PCSK2: variants seen among roughly 807,000 people sequenced by gnomAD.
PCSK2 encodes proprotein convertase subtilisin/kexin type 2.
A neutral mutation model predicts 69.7 loss-of-function variants in PCSK2; 14 were observed. The ratio of observed to expected loss-of-function variants is 0.20; its 90% confidence interval spans 0.13 to 0.31. PCSK2 has a LOEUF of 0.31. PCSK2 is among the 10% of genes least tolerant of loss of function. PCSK2 has a pLI of 1.00. For missense variants in PCSK2, 544 were observed against 842.5 expected (o/e 0.65, Z 4.39); for synonymous variants, 307 against 320.7 (o/e 0.96, Z 0.46).
intron 5 of PCSK2, among the ~76,000 whole-genome samples, chr20:17,404,900 C>T (rs778291998): frequency 2.0e-5 from 3 of 152,134 alleles, no homozygotes; most frequent in Non-Finnish European, 4.4e-5. Flanking sequence ...GCAAAAGCAG[C>T]GACTGGCAAT....
At chr20:17,256,864 A>C (rs970685487) in intron 1 of PCSK2, among the ~76,000 whole-genome samples, 2 of 152,196 alleles carry the variant, frequency 1.3e-5, no homozygotes, top group African/African-American at 2.4e-5. Flanking sequence ...GAGTAAAAAC[A>C]TGCAGTGCTT....
chr20:17,358,469 T>C (rs1486537355), intron 3 of PCSK2, 29 bp downstream of exon 3: 1 of 1,179,292 alleles, frequency 8.5e-7, no homozygotes, highest in South Asian at 1.2e-5. Context: ...TTTTGGACAT[T>C]TCCCATCTTG....
intron 11 of PCSK2, among the ~76,000 whole-genome samples, chr20:17,481,307 A>G (rs1456469878): frequency 1.4e-5 from 2 of 148,098 alleles, no homozygotes; most frequent in African/African-American, 5.0e-5. Flanking sequence ...ACTTGAACCC[A>G]GGAGCTGAAG....
At chr20:17,276,727 G>C (rs929582320) in intron 2 of PCSK2, among the ~76,000 whole-genome samples, 6 of 152,060 alleles carry the variant, frequency 3.9e-5, no homozygotes, top group African/African-American at 1.4e-4. Context: ...GGGCAATCAG[G>C]CAGGAGAAGG....
rs200387593 is a variant in PCSK2, at chr20:17,348,050, GGAAAGAAAGAAAGAAAGAAA to G, written c.283-10240_283-10221del. Among the ~76,000 whole-genome samples the G allele has an allele frequency of 2.0e-3, 177 of 86,908 alleles. 2 individuals carry two copies. Among genetic ancestry groups the G allele is most frequent in the South Asian group, 0.017 (37 of 2,202 alleles). 57.0% of individuals were successfully genotyped at this position (86,908 alleles called of 152,430 possible). On this transcript the variant is annotated intron_variant, in intron 2 of 11. Coordinates refer to ENST00000262545, the MANE Select transcript of PCSK2 (RefSeq NM_002594.5). ...AAGAAAGAAGAAAGAAAGAAAGAAA[GGAAAGAAAGAAAGAAAGAAA>G]GAAAGAAAGAAAGAAAGAAAGAAAG...
rs1283978729 is a variant in PCSK2, at chr20:17,383,625, G to A, written c.543+14348G>A. 3.3e-5 allele frequency among the ~76,000 whole-genome samples: 5 copies of A among 151,958 alleles called. No individual in the cohort carries two copies. In the East Asian group the frequency reaches 9.6e-4, roughly 29 times the overall value. On this transcript the variant is annotated intron_variant, in intron 5 of 11. Transcript: ENST00000262545. Reference sequence around the variant, plus strand: ...CCTAGGTTATTTTCCACTCAGTTAAGTATCAAAAAGATTTTGAAAAATAAA... The same window carrying A: ...CCTAGGTTATTTTCCACTCAGTTAAATATCAAAAAGATTTTGAAAAATAAA...
chr20:17,458,632 G>C (rs757176124), intron 10 of PCSK2, among the ~76,000 whole-genome samples: 3 of 152,168 alleles, frequency 2.0e-5, no homozygotes, highest in Non-Finnish European at 4.4e-5. Context: ...TTGAGATAAG[G>C]TTACAGGAAG....
intron 5 of PCSK2, among the ~76,000 whole-genome samples, chr20:17,370,931 C>G (rs1204619730): frequency 6.6e-6 from 1 of 152,208 alleles, no homozygotes; most frequent in Non-Finnish European, 1.5e-5. Context: ...ATCATGGCCT[C>G]CAGGGTCGGT....
chr20:17,366,119 G>C (rs553268214), intron 4 of PCSK2, among the ~76,000 whole-genome samples: 1 of 152,206 alleles, frequency 6.6e-6, no homozygotes, highest in South Asian at 2.1e-4. Context: ...TTAGGGTTAG[G>C]GTTAAAGAAC....
chr20:17,455,459 C>T (rs747746809), intron 9 of PCSK2, among the ~76,000 whole-genome samples: 1 of 152,026 alleles, frequency 6.6e-6, no homozygotes, highest in Non-Finnish European at 1.5e-5. Context: ...GAGGTGATAC[C>T]CACATATTGG....
At chr20:17,330,466 T>A (rs1339439325) in intron 2 of PCSK2, among the ~76,000 whole-genome samples, 2 of 151,616 alleles carry the variant, frequency 1.3e-5, no homozygotes. Context: ...TGGTGGCGCG[T>A]GTCTTTAATC....
At chr20:17,356,469 G>T (rs962605419) in intron 2 of PCSK2, among the ~76,000 whole-genome samples, 1 of 152,158 alleles carries the variant, frequency 6.6e-6, no homozygotes, top group Non-Finnish European at 1.5e-5. Context: ...GTAAAGAAGT[G>T]AGGATCTAGC....
intron 6 of PCSK2, among the ~76,000 whole-genome samples, chr20:17,413,212 C>T (rs1430923068): frequency 6.6e-6 from 1 of 152,092 alleles, no homozygotes; most frequent in South Asian, 2.1e-4. Flanking sequence ...GGGCTAAATG[C>T]CCCAATTAAA....
At chr20:17,307,911 T>C (rs1243216685) in intron 2 of PCSK2, among the ~76,000 whole-genome samples, 1 of 152,100 alleles carries the variant, frequency 6.6e-6, no homozygotes, top group Non-Finnish European at 1.5e-5. Context: ...ACAGGAAGCA[T>C]AGTGGCTTCT....
At position 17,227,302 on chromosome 20, in the gene PCSK2, A is replaced by T. The variant is rs1985955797; in HGVS notation, c.-4A>T. 1 of 1,613,092 alleles carries T rather than the reference A, an allele frequency of 6.2e-7. No individual in the cohort carries two copies. The highest frequency in any genetic ancestry group is 8.5e-7 in the Non-Finnish European group (1 of 1,179,660). On this transcript the variant is annotated 5_prime_UTR_variant, in exon 1 of 12. Transcript: ENST00000262545. ...CTAGCACCACTTTTCACTCCCAAAG[A>T]AGGATGAAGGGTGGTTGTGTCTCCC...
At chr20:17,423,393 A>G (rs61449537) in intron 6 of PCSK2, among the ~76,000 whole-genome samples, 1,984 of 152,302 alleles carry the variant, frequency 0.013, 46 homozygotes, top group African/African-American at 0.045. Flanking sequence ...TGTGGAGACC[A>G]GGGTTCTTTT....
chr20:17,235,123 T>G (rs1482630827), intron 1 of PCSK2, among the ~76,000 whole-genome samples: 1 of 152,210 alleles, frequency 6.6e-6, no homozygotes, highest in Non-Finnish European at 1.5e-5. Context: ...ATAATTTAAC[T>G]GCCTTGACAA....
intron 1 of PCSK2, among the ~76,000 whole-genome samples, chr20:17,241,884 A>C (rs1986588014): frequency 6.6e-6 from 1 of 152,256 alleles, no homozygotes. Flanking sequence ...CTGATATTCC[A>C]AAGAAATAAT....
chr20:17,227,410 T>A lies in PCSK2; in HGVS notation c.105T>A (p.Leu35=), dbSNP rs185245099. 3 of 1,613,934 alleles carry A rather than the reference T, an allele frequency of 1.9e-6. No homozygotes were observed. The African/African-American group carries it at 4.0e-5, about 22-fold the overall frequency. The change falls in exon 1 of 12, where the codon CTT becomes CTA. Residue 35 remains leucine, a synonymous_variant. Transcript: ENST00000262545. Reference sequence around the variant, plus strand: ...GACCGGTCTTCACGAATCATTTTCTTGTGGAGTTGCATAAAGGGGGAGAGG... The same window carrying A: ...GACCGGTCTTCACGAATCATTTTCTAGTGGAGTTGCATAAAGGGGGAGAGG... The part of the protein sequence containing the change: ...AERPVFTNHF[L]VELHKGGEDK...
Sources: gnomAD v4.1 joint callset for allele counts (sites outside exome capture counted in the v4.1 genomes callset) on GRCh38, gnomAD v4.1.1 for gene constraint, MANE v1.5 for transcripts, NCBI Gene and HGNC (gene_info 2026-07-23, HGNC 2026-07-21) for gene names.